PPP4R2: variants seen among roughly 807,000 people sequenced by gnomAD.
The protein encoded by PPP4R2 is serine/threonine-protein phosphatase 4 regulatory subunit 2.
A neutral mutation model predicts 47.2 loss-of-function variants in PPP4R2; 13 were observed. The ratio of observed to expected loss-of-function variants is 0.28; its 90% CI spans 0.18 to 0.44. PPP4R2 has a LOEUF of 0.44. PPP4R2 is among the 20% of genes least tolerant of loss of function. The pLI, the probability that PPP4R2 is intolerant of heterozygous loss-of-function variation, is 1.00. For synonymous variants in PPP4R2, 151 were observed against 163.3 expected (o/e 0.92, Z 0.57); for missense variants, 421 against 491.2 (o/e 0.86, Z 1.35).
chr3:73,018,052 G>A (rs1015396972), intron 2 of PPP4R2, among the ~76,000 whole-genome samples: 4 of 152,084 alleles, frequency 2.6e-5, no homozygotes, highest in Non-Finnish European at 4.4e-5. Context: ...TTGGTTTTGG[G>A]GAAACTAGGA....
At chr3:73,058,325 T>A (rs1321900380) in intron 3 of PPP4R2, among the ~76,000 whole-genome samples, 1 of 152,086 alleles carries the variant, frequency 6.6e-6, no homozygotes, top group Non-Finnish European at 1.5e-5. Context: ...AAGAAACCTT[T>A]GAGTGCAGAA....
At chr3:73,018,660 C>T (rs1049510365) in intron 2 of PPP4R2, among the ~76,000 whole-genome samples, 1 of 151,994 alleles carries the variant, frequency 6.6e-6, no homozygotes, top group Non-Finnish European at 1.5e-5. Flanking sequence ...CCATTTGTAA[C>T]TTTTTCACAT....
intron 7 of PPP4R2, 76 bp downstream of exon 7, chr3:73,064,222 A>G: frequency 2.4e-6 from 3 of 1,261,932 alleles, no homozygotes; most frequent in Non-Finnish European, 3.3e-6. Flanking sequence ...CTTATCACTT[A>G]CTATTTATAA....
intron 2 of PPP4R2, among the ~76,000 whole-genome samples, chr3:73,028,348 G>A (rs1702107713): frequency 1.3e-5 from 2 of 151,398 alleles, no homozygotes; most frequent in Admixed American, 1.3e-4. Context: ...CAGGTAGTTG[G>A]AATTTTAAAT....
intron 3 of PPP4R2, among the ~76,000 whole-genome samples, chr3:73,053,221 GTC>G (rs1197268041): frequency 6.6e-6 from 1 of 152,068 alleles, no homozygotes; most frequent in Non-Finnish European, 1.5e-5. Flanking sequence ...GCAGATTTCT[GTC>G]TCTCTCACAT....
chr3:73,059,867 G>C (rs1401798739), intron 4 of PPP4R2, among the ~76,000 whole-genome samples: 1 of 151,374 alleles, frequency 6.6e-6, no homozygotes. Context: ...CCTGGGAGAC[G>C]GAGGTTGCAG....
chr3:73,009,264 G>C (rs543857194), intron 2 of PPP4R2, among the ~76,000 whole-genome samples: 59 of 152,304 alleles, frequency 3.9e-4, no homozygotes, highest in African/African-American at 1.4e-3. Flanking sequence ...ATGGGACATG[G>C]TGATAGTGCT....
At chr3:73,015,324 T>G (rs544060358) in intron 2 of PPP4R2, among the ~76,000 whole-genome samples, 1 of 146,744 alleles carries the variant, frequency 6.8e-6, no homozygotes, top group Non-Finnish European at 1.5e-5. Flanking sequence ...GGATTACAGG[T>G]GTGTATCATG....
chr3:73,036,485 T>A (rs1029663347), intron 2 of PPP4R2, among the ~76,000 whole-genome samples: 2 of 152,214 alleles, frequency 1.3e-5, no homozygotes, highest in African/African-American at 2.4e-5. Context: ...ATGAAAAGTA[T>A]CACATGTATC....
At chr3:73,061,317 T>A (rs561754502) in intron 5 of PPP4R2, 6 of 212,626 alleles carry the variant, frequency 2.8e-5, no homozygotes, top group African/African-American at 1.4e-4. Context: ...ATTTACATAC[T>A]GTGGTGGCAC....
intron 3 of PPP4R2, among the ~76,000 whole-genome samples, chr3:73,058,688 T>C (rs1388013066): frequency 6.6e-6 from 1 of 152,146 alleles, no homozygotes; most frequent in Non-Finnish European, 1.5e-5. Context: ...CTCTTAGTTA[T>C]TTTAAAATGT....
intron 2 of PPP4R2, 74 bp downstream of exon 2, chr3:72,998,232 A>G (rs1469134367): frequency 1.0e-5 from 9 of 875,036 alleles, no homozygotes; most frequent in East Asian, 2.7e-5. Context: ...GGAAAAAAGT[A>G]TATTTTGGGA....
At chr3:73,060,942 G>A (rs1319273447) in intron 4 of PPP4R2, 81 bp from the exon 5 acceptor site, 2 of 933,426 alleles carry the variant, frequency 2.1e-6, no homozygotes, top group Non-Finnish European at 3.2e-6. Flanking sequence ...ACCCACCAGA[G>A]TGATTTTAGA....
chr3:73,021,848 ATGTGTGTGTGTGTGTGTGTG>A (rs34010770), intron 2 of PPP4R2, among the ~76,000 whole-genome samples: 1 of 131,006 alleles, frequency 7.6e-6, no homozygotes, highest in East Asian at 2.1e-4. Flanking sequence ...ACATTTCTAT[ATGTGTGTGTGTGTGTGTGTG>A]TGTGTGTGTG....
intron 2 of PPP4R2, among the ~76,000 whole-genome samples, chr3:72,999,242 G>T (rs1412563250): frequency 6.6e-6 from 1 of 152,092 alleles, no homozygotes; most frequent in Non-Finnish European, 1.5e-5. Flanking sequence ...TAAAAAATGG[G>T]ACCCTCTGGG....
At chr3:73,055,150 T>C (rs1427284906) in intron 3 of PPP4R2, among the ~76,000 whole-genome samples, 1 of 152,226 alleles carries the variant, frequency 6.6e-6, no homozygotes, top group African/African-American at 2.4e-5. Context: ...CTTTTGGTTT[T>C]GTTGGTCTTT....
rs1338071257 is a variant in PPP4R2, at chr3:73,001,444, GTCCCAGCTAC to G, written c.116+3298_116+3307del. On this transcript the variant is annotated intron_variant, in intron 2 of 8. Coordinates refer to ENST00000356692, the MANE Select transcript of PPP4R2 (RefSeq NM_174907.4). ...CCTAACGTGGTGGCATGCGCCTGTA[GTCCCAGCTAC>G]TCCCAGCTACTTGGGAGGAGGAGGT... Among the ~76,000 whole-genome samples, 12 of 148,670 alleles carry G rather than the reference GTCCCAGCTAC, an allele frequency of 8.1e-5. No homozygotes were observed. The South Asian group carries it at 1.5e-3, about 18-fold the overall frequency.
intron 2 of PPP4R2, among the ~76,000 whole-genome samples, chr3:73,002,623 TCTTTTC>T (rs1345588333): frequency 3.1e-5 from 3 of 97,512 alleles, no homozygotes; most frequent in Admixed American, 9.6e-5. Flanking sequence ...TCTTTTCTTT[TCTTTTC>T]TTTTCTTTTT....
chr3:73,047,379 A>G, intron 3 of PPP4R2, 23 bp downstream of exon 3: 1 of 1,472,732 alleles, frequency 6.8e-7, no homozygotes, highest in South Asian at 1.3e-5. Context: ...TACTGTTTTA[A>G]AGATTTAATT....
Sources: allele counts gnomAD v4.1 joint callset (sites outside exome capture counted in the v4.1 genomes callset), GRCh38; gene constraint gnomAD v4.1.1; transcripts MANE v1.5; gene names NCBI Gene and HGNC (gene_info 2026-07-23, HGNC 2026-07-21).